EPHA5: variants seen among roughly 807,000 people sequenced by gnomAD.
EPHA5 encodes EPH receptor A5, also known as ephrin type-A receptor 5.
Under a neutral mutation model 105.0 loss-of-function variants are expected in EPHA5, and 60 were observed. The ratio of observed to expected loss-of-function variants is 0.57; its 90% CI spans 0.46 to 0.71. EPHA5 has a LOEUF of 0.71. Ranked by LOEUF, EPHA5 falls within the 30% of genes least tolerant of loss-of-function variation. The pLI is 0.00. For synonymous variants in EPHA5, 513 were observed against 449.1 expected (o/e 1.14, Z -1.80); for missense variants, 1,218 against 1,274.7 (o/e 0.96, Z 0.68).
At chr4:65,567,527 G>A (rs541146707) in intron 3 of EPHA5, among the ~76,000 whole-genome samples, 1 of 151,620 alleles carries the variant, frequency 6.6e-6, no homozygotes, top group South Asian at 2.1e-4. Flanking sequence ...AAAAGTAAAT[G>A]TTCAAGTACA....
intron 3 of EPHA5, among the ~76,000 whole-genome samples, chr4:65,538,067 G>A (rs1292716653): frequency 6.6e-6 from 1 of 151,732 alleles, no homozygotes; most frequent in Admixed American, 6.6e-5. Context: ...TTTGTCAGAA[G>A]GACCTGACTT....
At chr4:65,476,203 C>T (rs1364606014) in intron 5 of EPHA5, among the ~76,000 whole-genome samples, 1 of 149,160 alleles carries the variant, frequency 6.7e-6, no homozygotes, top group Non-Finnish European at 1.5e-5. Flanking sequence ...TATACTAAAT[C>T]ATAAATTCAG....
intron 3 of EPHA5, among the ~76,000 whole-genome samples, chr4:65,501,527 C>A (rs986290560): frequency 1.3e-5 from 2 of 151,440 alleles, no homozygotes; most frequent in Admixed American, 1.3e-4. Flanking sequence ...GAATAAAATA[C>A]CTAGGAATAC....
intron 8 of EPHA5, among the ~76,000 whole-genome samples, chr4:65,380,202 T>C (rs1206305653): frequency 6.6e-6 from 1 of 151,812 alleles, no homozygotes; most frequent in Non-Finnish European, 1.5e-5. Context: ...CATAACTGCA[T>C]GCAGCTATAA....
intron 15 of EPHA5, among the ~76,000 whole-genome samples, chr4:65,333,311 T>G (rs150213849): frequency 4.1e-4 from 62 of 151,852 alleles, no homozygotes; most frequent in African/African-American, 1.4e-3. Flanking sequence ...CATTTACCCT[T>G]GAGTATAGTT....
intron 5 of EPHA5, among the ~76,000 whole-genome samples, chr4:65,462,572 G>T (rs1024839979): frequency 3.9e-5 from 6 of 152,152 alleles, no homozygotes; most frequent in Non-Finnish European, 7.3e-5. Flanking sequence ...TTCAGTGGGG[G>T]AGGCTAGAGT....
At chr4:65,653,546 T>C (rs1748794488) in intron 1 of EPHA5, among the ~76,000 whole-genome samples, 1 of 152,052 alleles carries the variant, frequency 6.6e-6, no homozygotes, top group Non-Finnish European at 1.5e-5. Flanking sequence ...GGATTCATGA[T>C]AGCAGGAAAA....
intron 5 of EPHA5, among the ~76,000 whole-genome samples, chr4:65,445,760 G>T (rs954338396): frequency 4.4e-4 from 67 of 152,118 alleles, no homozygotes; most frequent in Admixed American, 1.6e-3. Context: ...ATTAATTTTG[G>T]TTCAAATAGC....
At chr4:65,349,629 A>T (rs1200616276) in intron 13 of EPHA5, among the ~76,000 whole-genome samples, 1 of 152,170 alleles carries the variant, frequency 6.6e-6, no homozygotes, top group African/African-American at 2.4e-5. Flanking sequence ...TTCAATATAT[A>T]TAAGGAAATA....
intron 7 of EPHA5, among the ~76,000 whole-genome samples, chr4:65,412,340 G>A (rs554591977): frequency 7.2e-5 from 11 of 152,118 alleles, no homozygotes; most frequent in Non-Finnish European, 1.5e-4. Context: ...AAGTTTCCAT[G>A]TGTTGTTACT....
At position 65,602,129 on chromosome 4, in the gene EPHA5, G is replaced by A; in HGVS notation, c.422C>T (p.Pro141Leu). ...KFTLRDCNSL[P>L]GGLGTCKETF... ...TTCCTTACAGGTCCCCAGTCCTCCA[G>A]GAAGGCTGTTGCAGTCCCGCAGGGT... The change falls in exon 3 of 17, where the codon CCT becomes CTT. Residue 141 changes from proline (P) to leucine (L), a missense_variant. Physicochemically the swap from Pro to Leu is moderately conservative, Grantham distance 98 (BLOSUM62 -3). Transcript: ENST00000613740. 2 of 1,614,070 alleles carry A rather than the reference G, an allele frequency of 1.2e-6. No individual in the cohort carries two copies. Among genetic ancestry groups the A allele is most frequent in the Non-Finnish European group, 1.7e-6 (2 of 1,180,004 alleles).
intron 8 of EPHA5, among the ~76,000 whole-genome samples, chr4:65,387,993 G>T: frequency 1.1e-5 from 1 of 93,012 alleles, no homozygotes; most frequent in Non-Finnish European, 1.9e-5. Flanking sequence ...ACAGTTCCCA[G>T]AGTGTGATGT....
chr4:65,379,603 T>G (rs1366223430), intron 8 of EPHA5, among the ~76,000 whole-genome samples: 1 of 151,696 alleles, frequency 6.6e-6, no homozygotes, highest in Non-Finnish European at 1.5e-5. Flanking sequence ...GTCTGGCATA[T>G]CAAGTATTTT....
chr4:65,362,992 G>A (rs1222372946), intron 11 of EPHA5, among the ~76,000 whole-genome samples: 2 of 151,606 alleles, frequency 1.3e-5, no homozygotes, highest in Non-Finnish European at 3.0e-5. Flanking sequence ...GTGTTCAAAA[G>A]AAGAAATTAC....
intron 5 of EPHA5, among the ~76,000 whole-genome samples, chr4:65,444,006 A>T (rs1726274827): frequency 6.6e-6 from 1 of 152,034 alleles, no homozygotes; most frequent in Non-Finnish European, 1.5e-5. Context: ...TTTGATTTGT[A>T]CTGTAACAGG....
chr4:65,584,262 T>C (rs759120945), intron 3 of EPHA5, among the ~76,000 whole-genome samples: 6 of 151,926 alleles, frequency 3.9e-5, no homozygotes, highest in Non-Finnish European at 5.9e-5. Flanking sequence ...TGTGACTAAA[T>C]CTCTGTTGGA....
chr4:65,342,074 T>G (rs1011483694), intron 14 of EPHA5, among the ~76,000 whole-genome samples: 6 of 152,128 alleles, frequency 3.9e-5, no homozygotes, highest in Admixed American at 2.0e-4. Flanking sequence ...TTAGAAATCT[T>G]CTGTTGAAGC....
chr4:65,585,396 T>A (rs778125762), intron 3 of EPHA5, among the ~76,000 whole-genome samples: 1 of 151,636 alleles, frequency 6.6e-6, no homozygotes, highest in African/African-American at 2.4e-5. Flanking sequence ...TTTTAAATCT[T>A]ACCTAGGAGT....
Position 65,331,984 on chromosome 4 carries a change from C to T in EPHA5, c.2934G>A (p.Gln978=), listed in dbSNP as rs769074454. The T allele has an allele frequency of 3.1e-6, 5 of 1,600,370 alleles. No individual in the cohort carries two copies. The East Asian group carries it at 9.0e-5, about 29-fold the overall frequency. ...GAAAAATTACTCACTCCAAGGTCACCTGAGCCACAGCGTCCATTGAACTGT... is the reference window on the plus strand; with the variant it reads ...GAAAAATTACTCACTCCAAGGTCACTTGAGCCACAGCGTCCATTGAACTGT... ...NGYSSMDAVA[Q]VTLEDLRRLG... is the part of the protein sequence containing the mutation. The change falls in exon 16 of 17, where the codon CAG becomes CAA. Residue 978 remains glutamine, a synonymous_variant. Coordinates refer to ENST00000613740, the MANE Select transcript of EPHA5 (RefSeq NM_001281766.3).
Sources: gnomAD v4.1 joint callset for allele counts (sites outside exome capture counted in the v4.1 genomes callset) on GRCh38, gnomAD v4.1.1 for gene constraint, MANE v1.5 for transcripts, NCBI Gene and HGNC (gene_info 2026-07-23, HGNC 2026-07-21) for gene names.